Variants in BMPR1B observed in about 807,000 individuals in gnomAD.
BMPR1B encodes the protein bone morphogenetic protein receptor type 1B.
A neutral mutation model predicts 59.1 loss-of-function variants in BMPR1B; 12 were observed. The ratio of observed to expected loss-of-function variants is 0.20; its 90% CI spans 0.13 to 0.33. The LOEUF is 0.33. BMPR1B is among the 10% of genes least tolerant of loss of function. The pLI is 1.00. For synonymous variants in BMPR1B, 237 were observed against 207.3 expected (o/e 1.14, Z -1.23); for missense variants, 550 against 610.9 (o/e 0.90, Z 1.05).
chr4:94,758,166 G>A, intron 1 of BMPR1B, 98 bp downstream of exon 1: 1 of 151,226 alleles, frequency 6.6e-6, no homozygotes, highest in South Asian at 1.8e-4. Context: ...AGAGCGAGGG[G>A]CGGCGCGGGA....
intron 3 of BMPR1B, among the ~76,000 whole-genome samples, chr4:95,040,495 G>C (rs576846128): frequency 5.3e-5 from 8 of 152,290 alleles, no homozygotes; most frequent in African/African-American, 1.9e-4. Context: ...ATAGGAAACT[G>C]TTCAGCTTTT....
Sources: gnomAD v4.1 joint callset for allele counts (sites outside exome capture counted in the v4.1 genomes callset) on GRCh38, gnomAD v4.1.1 for gene constraint, MANE v1.5 for transcripts, NCBI Gene and HGNC (gene_info 2026-07-23, HGNC 2026-07-21) for gene names.